RSU1: variants seen among roughly 807,000 people sequenced by gnomAD.
RSU1 encodes the protein Ras suppressor protein 1, also known as rsu-1.
Under a neutral mutation model 31.1 loss-of-function variants are expected in RSU1, and 26 were observed. The ratio of observed to expected loss-of-function variants is 0.84; its 90% CI spans 0.61 to 1.16. The LOEUF is 1.16. RSU1 is among the 50% of genes most tolerant of loss of function. The pLI is 0.00. For missense variants in RSU1, 320 were observed against 339.1 expected (o/e 0.94, Z 0.44); for synonymous variants, 164 against 136.3 (o/e 1.20, Z -1.41).
intron 3 of RSU1, among the ~76,000 whole-genome samples, chr10:16,775,019 G>A (rs994833959): frequency 2.0e-5 from 3 of 152,052 alleles, no homozygotes; most frequent in African/African-American, 7.3e-5. Context: ...ACTCCAACCT[G>A]GGTGATAAAA....
chr10:16,634,752 C>T (rs1834318102), intron 8 of RSU1, among the ~76,000 whole-genome samples: 1 of 152,140 alleles, frequency 6.6e-6, no homozygotes, highest in Admixed American at 6.5e-5. Flanking sequence ...ACCCAGTTAC[C>T]TCAATTACCT....
intron 8 of RSU1, among the ~76,000 whole-genome samples, chr10:16,625,483 C>G (rs1254133966): frequency 6.6e-6 from 1 of 152,150 alleles, no homozygotes; most frequent in Non-Finnish European, 1.5e-5. Context: ...ACGGCAGGGT[C>G]CCCAGTGCGT....
Position 16,705,489 on chromosome 10 carries a change from G to A in RSU1, c.599-10334C>T, listed in dbSNP as rs113570555. 9.8e-3 allele frequency among the ~76,000 whole-genome samples: 1,486 copies of A among 151,624 alleles called. 26 individuals carry two copies. Among genetic ancestry groups the A allele is most frequent in the African/African-American group, 0.033 (1,355 of 41,342 alleles). On this transcript the variant is annotated intron_variant, in intron 7 of 8. Coordinates refer to ENST00000345264, the MANE Select transcript of RSU1 (RefSeq NM_012425.4). ...TGCTATTTTTGTTTTTTTTCCCCAT[G>A]CATTTTATTTATTTTTTTGAGACAG... is the stretch of plus-strand genomic sequence containing the variant.
intron 8 of RSU1, among the ~76,000 whole-genome samples, chr10:16,612,342 C>T (rs1486716502): frequency 6.6e-6 from 1 of 152,218 alleles, no homozygotes; most frequent in African/African-American, 2.4e-5. Flanking sequence ...TAGTCACTTT[C>T]TGAGCCTGGT....
At chr10:16,736,685 A>G (rs1330810257) in intron 7 of RSU1, among the ~76,000 whole-genome samples, 1 of 152,164 alleles carries the variant, frequency 6.6e-6, no homozygotes, top group Non-Finnish European at 1.5e-5. Flanking sequence ...TAAGAGGAAA[A>G]AAGTGGCTTA....
At chr10:16,727,229 C>T in intron 7 of RSU1, 1 of 431,064 alleles carries the variant, frequency 2.3e-6, no homozygotes, top group Admixed American at 2.5e-5. Flanking sequence ...TTCCGCCTGG[C>T]TGCATCTTTT....
chr10:16,617,160 C>T (rs1008125428), intron 8 of RSU1, among the ~76,000 whole-genome samples: 7 of 152,154 alleles, frequency 4.6e-5, no homozygotes, highest in African/African-American at 1.2e-4. Context: ...AATCAATGTG[C>T]AAAAATCACA....
At chr10:16,740,972 C>T (rs1052836700) in intron 7 of RSU1, among the ~76,000 whole-genome samples, 1 of 152,108 alleles carries the variant, frequency 6.6e-6, no homozygotes, top group Non-Finnish European at 1.5e-5. Context: ...TTCTAAAATT[C>T]ATTTGGAAAC....
At chr10:16,722,875 T>G (rs902048580) in intron 7 of RSU1, among the ~76,000 whole-genome samples, 97 of 136,930 alleles carry the variant, frequency 7.1e-4, no homozygotes, top group African/African-American at 2.4e-3. Flanking sequence ...TATGTATATA[T>G]ACACACATAT....
In RSU1 at chr10:16,729,181, GAGT is replaced by G. The variant is rs1836454477; in HGVS notation, c.598+23355_598+23357del. ...TTTTGCCTCCTGTTACACAAAGTGA[GAGT>G]AGAATAATCTACTTTTGTCTTGGCA... On this transcript the variant is annotated intron_variant, in intron 7 of 8. Transcript: ENST00000345264. Among the ~76,000 whole-genome samples, 4 of 152,320 alleles carry G rather than the reference GAGT, an allele frequency of 2.6e-5. No individual in the cohort carries two copies. In the South Asian group the frequency reaches 8.3e-4, roughly 32 times the overall value.
intron 7 of RSU1, among the ~76,000 whole-genome samples, chr10:16,740,492 C>T (rs1400047174): frequency 1.3e-5 from 2 of 152,008 alleles, no homozygotes; most frequent in African/African-American, 4.8e-5. Context: ...GAAGTTGCAG[C>T]CAAAGTAATT....
intron 8 of RSU1, among the ~76,000 whole-genome samples, chr10:16,604,140 G>C (rs1457986340): frequency 6.6e-6 from 1 of 152,160 alleles, no homozygotes; most frequent in Non-Finnish European, 1.5e-5. Context: ...GACTCTGGTC[G>C]GGGCAAGAGT....
At chr10:16,738,535 A>G (rs1402603746) in intron 7 of RSU1, among the ~76,000 whole-genome samples, 1 of 152,180 alleles carries the variant, frequency 6.6e-6, no homozygotes, top group Non-Finnish European at 1.5e-5. Flanking sequence ...TGTACTCAGA[A>G]GAAGAAAAGC....
At chr10:16,598,854 G>C (rs1205690183) in intron 8 of RSU1, among the ~76,000 whole-genome samples, 1 of 152,222 alleles carries the variant, frequency 6.6e-6, no homozygotes, top group Non-Finnish European at 1.5e-5. Context: ...GCCTCTCTGG[G>C]CCTGACAGGG....
intron 4 of RSU1, among the ~76,000 whole-genome samples, chr10:16,759,955 A>T (rs1483909933): frequency 6.6e-6 from 1 of 152,138 alleles, no homozygotes; most frequent in African/African-American, 2.4e-5. Flanking sequence ...GGCTCCTTAG[A>T]ATAAGGAGTC....
Position 16,816,962 on chromosome 10 carries a change from C to A in RSU1, c.109+11G>T. 6.3e-7 allele frequency: 1 copy of A among 1,587,568 alleles called. No homozygotes were observed. Among genetic ancestry groups the A allele is most frequent in the South Asian group, 1.1e-5 (1 of 90,496 alleles). ...AGCTCATCCACGGGAGAGTCCTGCC[C>A]GAGAACTCACAGAGGCCGTTGACAT... On this transcript the variant is annotated intron_variant, in intron 2 of 8. Transcript: ENST00000345264.
intron 7 of RSU1, among the ~76,000 whole-genome samples, chr10:16,722,637 G>C (rs986328481): frequency 2.0e-5 from 3 of 152,012 alleles, no homozygotes; most frequent in Non-Finnish European, 2.9e-5. Context: ...TAAAGTTAAG[G>C]ATATTATGGG....
intron 8 of RSU1, among the ~76,000 whole-genome samples, chr10:16,665,737 A>G (rs1358855912): frequency 6.6e-6 from 1 of 152,226 alleles, no homozygotes; most frequent in Non-Finnish European, 1.5e-5. Flanking sequence ...TATTAGGCAA[A>G]ACGGAAAGAA....
chr10:16,722,089 T>C (rs1836275438), intron 7 of RSU1, among the ~76,000 whole-genome samples: 1 of 152,196 alleles, frequency 6.6e-6, no homozygotes, highest in South Asian at 2.1e-4. Context: ...AGAGATATTT[T>C]GAGAGAGAGA....
Sources: gnomAD v4.1 joint callset for allele counts (sites outside exome capture counted in the v4.1 genomes callset) on GRCh38, gnomAD v4.1.1 for gene constraint, MANE v1.5 for transcripts, NCBI Gene and HGNC (gene_info 2026-07-23, HGNC 2026-07-21) for gene names.